Variants in ZNF578 observed in about 807,000 individuals in gnomAD.
The protein encoded by ZNF578 is Putative chemokine-related protein B42.
A neutral mutation model predicts 8.3 loss-of-function variants in ZNF578; 8 were observed. The ratio of observed to expected loss-of-function variants is 0.96; its 90% CI spans 0.56 to 1.74. The LOEUF is 1.74. ZNF578 is among the 40% of genes most tolerant of loss of function. The probability of loss-of-function intolerance (pLI) is 0.00; values close to 1 mark genes in which losing one functional copy is unlikely to be tolerated. For synonymous variants in ZNF578, 206 were observed against 232.2 expected (o/e 0.89, Z 1.03); for missense variants, 726 against 707.5 (o/e 1.03, Z -0.30).
chr19:52,465,238 G>A (rs1270958067), intron 2 of ZNF578, among the ~76,000 whole-genome samples: 1 of 152,108 alleles, frequency 6.6e-6, no homozygotes, highest in Admixed American at 6.5e-5. Flanking sequence ...TAATTGGCAC[G>A]GAGAGCCGAG....
rs7257824 is a variant in ZNF578 at position 52,516,053 on chromosome 19, C to A, written c.*3899C>A. Among the ~76,000 whole-genome samples, 12,720 of 152,138 alleles carry A rather than the reference C, an allele frequency of 0.084. 695 individuals are homozygous for A. Among genetic ancestry groups the A allele is most frequent in the African/African-American group, 0.16 (6,652 of 41,458 alleles). On this transcript the variant is annotated 3_prime_UTR_variant, in exon 6 of 6. Coordinates refer to ENST00000421239, the MANE Select transcript of ZNF578 (RefSeq NM_001099694.2). ...CTGGCAGCTTGCCCTCATCTCATGACTCCCTCTGCCCCAGTCACATTTGCT... is the reference window on the plus strand; with the variant it reads ...CTGGCAGCTTGCCCTCATCTCATGAATCCCTCTGCCCCAGTCACATTTGCT...
intron 2 of ZNF578, chr19:52,457,732 A>G (rs1433097957): frequency 6.6e-6 from 1 of 152,250 alleles, no homozygotes; most frequent in African/African-American, 2.4e-5. Flanking sequence ...GAGGTCTTCT[A>G]TGTTGATGAT....
chr19:52,489,936 G>A (rs954310330), intron 2 of ZNF578, among the ~76,000 whole-genome samples: 3 of 152,210 alleles, frequency 2.0e-5, no homozygotes, highest in East Asian at 1.9e-4. Flanking sequence ...GATTACAGGC[G>A]TGAGCCACCA....
intron 3 of ZNF578, among the ~76,000 whole-genome samples, chr19:52,496,778 C>T (rs1171866926): frequency 1.3e-5 from 2 of 151,918 alleles, no homozygotes; most frequent in Admixed American, 6.6e-5. Flanking sequence ...GTTATGATTA[C>T]AGGCACGCAG....
rs765421143 is a variant in ZNF578, at chr19:52,480,158, G to A, written c.-121-11166G>A. ...TCTGACCTCGTGATCCACCTGCTTC[G>A]GCCTACCAAAGTGCTGGGATTACAG... On this transcript the variant is annotated intron_variant, in intron 2 of 5. Transcript: ENST00000421239. Among the ~76,000 whole-genome samples the A allele has an allele frequency of 3.3e-5, 5 of 152,206 alleles. No homozygotes were observed. The South Asian group carries it at 6.2e-4, about 19-fold the overall frequency.
intron 2 of ZNF578, among the ~76,000 whole-genome samples, chr19:52,465,419 A>G (rs1158224013): frequency 6.6e-6 from 1 of 152,158 alleles, no homozygotes; most frequent in East Asian, 1.9e-4. Flanking sequence ...CCTTTTGGCT[A>G]GTACTTGGTA....
Position 52,511,266 on chromosome 19 carries a change from C to T in ZNF578, c.885C>T (p.Ser295=), listed in dbSNP as rs2059444803. ...KPYKCNECGK[S]FSYKSSLTCH... is the part of the protein sequence containing the mutation. ...ACAAGTGTAATGAATGTGGAAAGTC[C>T]TTCAGTTACAAGTCATCCCTGACAT... Residue 295 remains serine, a synonymous_variant, in exon 6 of 6, where the codon TCC becomes TCT. Coordinates refer to ENST00000421239, the MANE Select transcript of ZNF578 (RefSeq NM_001099694.2). 4 of 1,613,906 alleles carry T rather than the reference C, an allele frequency of 2.5e-6. No individual in the cohort carries two copies. Among genetic ancestry groups the T allele is most frequent in the Non-Finnish European group, 2.5e-6 (3 of 1,180,002 alleles).
At chr19:52,498,313 C>G (rs7256777) in intron 3 of ZNF578, among the ~76,000 whole-genome samples, 1 of 146,708 alleles carries the variant, frequency 6.8e-6, no homozygotes, top group African/African-American at 2.6e-5. Context: ...CCCACCACCA[C>G]GCCTGGCTAA....
intron 2 of ZNF578, among the ~76,000 whole-genome samples, chr19:52,465,955 G>A (rs961712784): frequency 3.3e-5 from 5 of 152,178 alleles, no homozygotes; most frequent in African/African-American, 1.2e-4. Context: ...ACCACCCTTA[G>A]GGTACTCAAA....
intron 2 of ZNF578, among the ~76,000 whole-genome samples, chr19:52,471,263 T>C (rs1398191463): frequency 6.6e-6 from 1 of 152,190 alleles, no homozygotes; most frequent in Non-Finnish European, 1.5e-5. Context: ...TGTAATACTG[T>C]TGGCTTCCCT....
chr19:52,453,923 G>C (rs1029579211), intron 1 of ZNF578: 1 of 152,200 alleles, frequency 6.6e-6, no homozygotes, highest in African/African-American at 2.4e-5. Flanking sequence ...GGTCCTCCAA[G>C]CCTCGCCCTT....
chr19:52,491,728 G>T (rs145749142), intron 3 of ZNF578, among the ~76,000 whole-genome samples: 490 of 151,564 alleles, frequency 3.2e-3, no homozygotes, highest in South Asian at 9.4e-3. Flanking sequence ...TAAAATAAAA[G>T]AAAAAAGTAA....
rs11318311 is a variant in ZNF578, at chr19:52,513,337, C to CTTT, written c.*1205_*1207dup. On this transcript the variant is annotated 3_prime_UTR_variant, in exon 6 of 6. Transcript: ENST00000421239. Reference sequence around the variant, plus strand: ...GCGCCTGGCATTGTTTCTTCTTTTCCTTTTTTTTTTTTTTTTTTTTTTTTG... The same window carrying CTTT: ...GCGCCTGGCATTGTTTCTTCTTTTCCTTTTTTTTTTTTTTTTTTTTTTTTTTTG... Among the ~76,000 whole-genome samples the CTTT allele has an allele frequency of 8.0e-3, 814 of 101,124 alleles. 9 individuals are homozygous for CTTT. Among genetic ancestry groups the CTTT allele is most frequent in the African/African-American group, 0.015 (433 of 29,598 alleles). The allele number at this position is 101,124 out of a possible 152,430, so 66.3% of individuals were successfully genotyped here.
chr19:52,482,412 T>A (rs1358578657), intron 2 of ZNF578, among the ~76,000 whole-genome samples: 1 of 151,922 alleles, frequency 6.6e-6, no homozygotes, highest in Non-Finnish European at 1.5e-5. Flanking sequence ...CCGAGGTACG[T>A]GGATCACGAG....
At chr19:52,490,198 A>T (rs1165977553) in intron 2 of ZNF578, among the ~76,000 whole-genome samples, 1 of 152,216 alleles carries the variant, frequency 6.6e-6, no homozygotes, top group Non-Finnish European at 1.5e-5. Flanking sequence ...ACTAAGGGCA[A>T]TACATATATA....
intron 2 of ZNF578, among the ~76,000 whole-genome samples, chr19:52,465,253 G>A (rs953384385): frequency 1.3e-5 from 2 of 152,086 alleles, no homozygotes; most frequent in South Asian, 2.1e-4. Context: ...GCCGAGTCTC[G>A]GTGAGCCGAG....
intron 4 of ZNF578, 147 bp downstream of exon 4, chr19:52,502,055 A>G: frequency 1.6e-6 from 2 of 1,266,162 alleles, no homozygotes; most frequent in Non-Finnish European, 2.2e-6. Flanking sequence ...GCACTCACCC[A>G]TGCCTGCCCT....
At chr19:52,496,099 A>G (rs2122906801) in intron 3 of ZNF578, among the ~76,000 whole-genome samples, 1 of 151,836 alleles carries the variant, frequency 6.6e-6, no homozygotes, top group South Asian at 2.1e-4. Context: ...GACTCACTGT[A>G]ACCTCTGCCT....
chr19:52,471,250 G>A (rs913722920), intron 2 of ZNF578, among the ~76,000 whole-genome samples: 1 of 152,168 alleles, frequency 6.6e-6, no homozygotes, highest in Non-Finnish European at 1.5e-5. Context: ...ACTAATACAA[G>A]GCTGTAATAC....
Sources: gnomAD v4.1 joint callset for allele counts (sites outside exome capture counted in the v4.1 genomes callset) on GRCh38, gnomAD v4.1.1 for gene constraint, MANE v1.5 for transcripts, NCBI Gene and HGNC (gene_info 2026-07-23, HGNC 2026-07-21) for gene names.